The following DPYSL3 variants were observed in gnomAD, a reference collection of about 807,000 sequenced individuals.
DPYSL3 encodes the protein dihydropyrimidinase-related protein 3.
Under a neutral mutation model 66.1 loss-of-function variants are expected in DPYSL3, and 16 were observed. That is an observed-to-expected ratio of 0.24 (90% CI 0.16 to 0.37). The LOEUF (loss-of-function observed/expected upper bound fraction) is 0.37, where lower values mean the gene tolerates loss of function less well. DPYSL3 is among the 10% of genes least tolerant of loss of function. The pLI, the probability that DPYSL3 is intolerant of heterozygous loss-of-function variation, is 1.00. For missense variants in DPYSL3, 738 were observed against 916.2 expected (o/e 0.81, Z 2.51); for synonymous variants, 338 against 345.1 (o/e 0.98, Z 0.23).
At chr5:147,409,993 C>T (rs541453333) in intron 6 of DPYSL3, among the ~76,000 whole-genome samples, 1 of 152,258 alleles carries the variant, frequency 6.6e-6, no homozygotes, top group South Asian at 2.1e-4. Context: ...TCACTATCTC[C>T]AGCTCTACAG....
chr5:147,443,927 G>T (rs1752581738), intron 1 of DPYSL3, among the ~76,000 whole-genome samples: 2 of 152,082 alleles, frequency 1.3e-5, no homozygotes, highest in South Asian at 2.1e-4. Flanking sequence ...GGGCTAGAGG[G>T]CTTCCTGATG....
intron 1 of DPYSL3, among the ~76,000 whole-genome samples, chr5:147,482,293 T>C (rs1007460717): frequency 6.6e-6 from 1 of 152,228 alleles, no homozygotes; most frequent in African/African-American, 2.4e-5. Flanking sequence ...ATCTATAGAT[T>C]TGAGGAAATC....
chr5:147,447,836 C>T (rs1357653588), intron 1 of DPYSL3, among the ~76,000 whole-genome samples: 1 of 152,174 alleles, frequency 6.6e-6, no homozygotes, highest in African/African-American at 2.4e-5. Context: ...AAACCTCCGT[C>T]TCAAAAAACA....
At chr5:147,455,524 C>G (rs945086239) in intron 1 of DPYSL3, among the ~76,000 whole-genome samples, 23 of 152,328 alleles carry the variant, frequency 1.5e-4, no homozygotes, top group African/African-American at 5.3e-4. Flanking sequence ...AGCGTAAGTG[C>G]TGAGACCACT....
chr5:147,450,604 T>G (rs1408717799), intron 1 of DPYSL3, among the ~76,000 whole-genome samples: 1 of 151,780 alleles, frequency 6.6e-6, no homozygotes, highest in Non-Finnish European at 1.5e-5. Flanking sequence ...GACACAGAAA[T>G]CTCCCCCTCA....
intron 10 of DPYSL3, among the ~76,000 whole-genome samples, chr5:147,400,467 C>A (rs752994871): frequency 2.6e-5 from 4 of 152,228 alleles, no homozygotes; most frequent in Non-Finnish European, 5.9e-5. Flanking sequence ...CTAGTCCTAA[C>A]AGTCTAGATA....
At chr5:147,457,048 A>T (rs988963874) in intron 1 of DPYSL3, among the ~76,000 whole-genome samples, 1 of 151,870 alleles carries the variant, frequency 6.6e-6, no homozygotes, top group Admixed American at 6.6e-5. Context: ...TCATTCATTC[A>T]TTCATTCTCA....
At chr5:147,417,110 A>G (rs1225711915) in intron 3 of DPYSL3, among the ~76,000 whole-genome samples, 1 of 152,192 alleles carries the variant, frequency 6.6e-6, no homozygotes, top group East Asian at 1.9e-4. Flanking sequence ...GAAGGACACA[A>G]TTGCTTTTGT....
chr5:147,446,063 C>G (rs866331397), intron 1 of DPYSL3, among the ~76,000 whole-genome samples: 7 of 152,180 alleles, frequency 4.6e-5, no homozygotes, highest in Non-Finnish European at 8.8e-5. Flanking sequence ...CAACAATGGT[C>G]GCTCTCATCC....
chr5:147,446,379 G>A (rs1196591623), intron 1 of DPYSL3, among the ~76,000 whole-genome samples: 1 of 152,174 alleles, frequency 6.6e-6, no homozygotes, highest in African/African-American at 2.4e-5. Flanking sequence ...CTTCTAGTCC[G>A]AGGAACTCTT....
chr5:147,449,198 C>T (rs1752682388), intron 1 of DPYSL3, among the ~76,000 whole-genome samples: 1 of 152,084 alleles, frequency 6.6e-6, no homozygotes, highest in Non-Finnish European at 1.5e-5. Flanking sequence ...AGCTTAACTG[C>T]TGCAGAGATC....
Position 147,494,778 on chromosome 5 carries a change from C to T in DPYSL3, c.381+14700G>A, listed in dbSNP as rs1042677881. On this transcript the variant is annotated intron_variant, in intron 1 of 13. Coordinates refer to ENST00000343218, the MANE Select transcript of DPYSL3 (RefSeq NM_001197294.2). ...CCTGTATTCCCAGCTACTCAGGAGG[C>T]TGAGGCAGGAGAATGGCATGAACCC... 2.0e-5 allele frequency among the ~76,000 whole-genome samples: 3 copies of T among 150,158 alleles called. 1 individual carries two copies. In the South Asian group the frequency reaches 6.3e-4, roughly 31 times the overall value.
intron 1 of DPYSL3, among the ~76,000 whole-genome samples, chr5:147,474,214 T>G (rs1051948410): frequency 1.3e-5 from 2 of 152,088 alleles, no homozygotes; most frequent in African/African-American, 4.8e-5. Flanking sequence ...AGGGGAACAG[T>G]AAATGTCATC....
intron 1 of DPYSL3, among the ~76,000 whole-genome samples, chr5:147,490,953 A>G (rs1051160193): frequency 2.6e-5 from 4 of 152,158 alleles, no homozygotes; most frequent in African/African-American, 9.7e-5. Context: ...ACTGGAGAAA[A>G]ATTCCCTCCT....
chr5:147,493,321 C>T (rs1337785044), intron 1 of DPYSL3, among the ~76,000 whole-genome samples: 1 of 152,110 alleles, frequency 6.6e-6, no homozygotes, highest in African/African-American at 2.4e-5. Flanking sequence ...GTCTGTAATT[C>T]CAGCAATTTG....
intron 1 of DPYSL3, among the ~76,000 whole-genome samples, chr5:147,462,894 T>C (rs1752954982): frequency 1.3e-5 from 2 of 152,036 alleles, no homozygotes; most frequent in African/African-American, 2.4e-5. Flanking sequence ...TTACACACTA[T>C]CTGAAAAAGA....
rs1253015682 is a variant in DPYSL3, at chr5:147,480,694, AAT to A, written c.381+28782_381+28783del. Among the ~76,000 whole-genome samples the A allele has an allele frequency of 7.1e-4, 98 of 138,762 alleles. No homozygotes were observed. The South Asian group carries it at 0.012, about 17-fold the overall frequency. The allele number at this position is 138,762 out of a possible 152,430, so 91.0% of individuals were successfully genotyped here. Reference sequence around the variant, plus strand: ...CCAATTTCTTAGTGCACACATCATGAATATATATATATTATTATTATTATTAT... The same window carrying A: ...CCAATTTCTTAGTGCACACATCATGAATATATATATTATTATTATTATTAT... On this transcript the variant is annotated intron_variant, in intron 1 of 13. Coordinates refer to ENST00000343218, the MANE Select transcript of DPYSL3 (RefSeq NM_001197294.2).
rs1758149337 is a variant in DPYSL3, at chr5:147,400,794, G to A, written c.1350C>T (p.Phe450=). The A allele has an allele frequency of 1.2e-6, 2 of 1,614,058 alleles. No homozygotes were observed. The highest frequency in any genetic ancestry group is 1.7e-6 in the Non-Finnish European group (2 of 1,180,020). Residue 450 remains phenylalanine, a synonymous_variant, in exon 10 of 14, where the codon TTC becomes TTT. Coordinates refer to ENST00000343218, the MANE Select transcript of DPYSL3 (RefSeq NM_001197294.2). Reference sequence around the variant, plus strand: ...TCCCAATTGCTTTCTGGGCAGTGCTGAAGGTGCAGTGGGCACTCCCAGATA... The same window carrying A: ...TCCCAATTGCTTTCTGGGCAGTGCTAAAGGTGCAGTGGGCACTCCCAGATA... ...LQLSGSAHCT[F]STAQKAIGKD... is the part of the protein sequence containing the mutation.
At chr5:147,394,609 A>G (rs989465432) in intron 13 of DPYSL3, among the ~76,000 whole-genome samples, 2 of 146,598 alleles carry the variant, frequency 1.4e-5, no homozygotes, top group African/African-American at 2.4e-5. Context: ...AGAAATTTCA[A>G]TGTGTGCTTG....
Sources: gnomAD v4.1 joint callset for allele counts (sites outside exome capture counted in the v4.1 genomes callset) on GRCh38, gnomAD v4.1.1 for gene constraint, MANE v1.5 for transcripts, NCBI Gene and HGNC (gene_info 2026-07-23, HGNC 2026-07-21) for gene names.